Variants in TMCO4 observed in about 807,000 individuals in gnomAD.
TMCO4 encodes the protein transmembrane and coiled-coil domains 4.
Under a neutral mutation model 64.7 loss-of-function variants are expected in TMCO4, and 58 were observed. The observed-to-expected ratio is 0.90, with a 90% CI of 0.73 to 1.12. The LOEUF (loss-of-function observed/expected upper bound fraction) is 1.12. Ranked by LOEUF, TMCO4 falls within the 50% of genes most tolerant of loss-of-function variation. TMCO4 has a pLI of 0.00. For synonymous variants in TMCO4, 325 were observed against 346.1 expected (o/e 0.94, Z 0.68); for missense variants, 780 against 825.9 (o/e 0.94, Z 0.68).
intron 7 of TMCO4, among the ~76,000 whole-genome samples, chr1:19,751,939 T>C (rs546189646): frequency 2.0e-5 from 3 of 151,924 alleles, no homozygotes; most frequent in South Asian, 4.2e-4. Flanking sequence ...TCCCAGCTAC[T>C]TGGGAGGCTG....
chr1:19,771,505 T>C, intron 4 of TMCO4, 23 bp from the exon 5 acceptor site: 2 of 1,609,962 alleles, frequency 1.2e-6, no homozygotes, highest in Non-Finnish European at 1.7e-6. Flanking sequence ...CATGGCTTAG[T>C]TCTCCAGGAT....
chr1:19,741,567 C>T (rs918490520), intron 10 of TMCO4, among the ~76,000 whole-genome samples: 1 of 152,216 alleles, frequency 6.6e-6, no homozygotes, highest in African/African-American at 2.4e-5. Flanking sequence ...TGAGACAGCA[C>T]CACTGTAGCG....
intron 13 of TMCO4, among the ~76,000 whole-genome samples, chr1:19,716,862 G>C (rs1471337336): frequency 6.6e-6 from 1 of 152,154 alleles, no homozygotes; most frequent in Non-Finnish European, 1.5e-5. Flanking sequence ...TGCTGGAGCC[G>C]CCAGCCTCAA....
intron 14 of TMCO4, among the ~76,000 whole-genome samples, chr1:19,695,950 C>T (rs2095233530): frequency 6.6e-6 from 1 of 152,114 alleles, no homozygotes; most frequent in African/African-American, 2.4e-5. Context: ...AGTTCTTCCT[C>T]CCCTCTCCCC....
chr1:19,788,603 C>CT (rs1557628042), intron 2 of TMCO4, among the ~76,000 whole-genome samples: 1 of 152,082 alleles, frequency 6.6e-6, no homozygotes, highest in Non-Finnish European at 1.5e-5. Context: ...GGTGACAATC[C>CT]GTTTTGTGCT....
intron 13 of TMCO4, among the ~76,000 whole-genome samples, chr1:19,726,940 C>T (rs2095411267): frequency 1.3e-5 from 2 of 152,362 alleles, no homozygotes; most frequent in South Asian, 4.1e-4. Flanking sequence ...GCCCTTCCCC[C>T]TCCTGTGGGG....
chr1:19,684,636 A>G (rs1467992425), intron 15 of TMCO4, among the ~76,000 whole-genome samples: 1 of 152,208 alleles, frequency 6.6e-6, no homozygotes, highest in Non-Finnish European at 1.5e-5. Flanking sequence ...CATAGACTGC[A>G]AGGTGCTGGC....
intron 14 of TMCO4, among the ~76,000 whole-genome samples, chr1:19,695,408 G>T (rs1332307607): frequency 6.6e-6 from 1 of 152,192 alleles, no homozygotes; most frequent in Non-Finnish European, 1.5e-5. Flanking sequence ...GGGCCTTGCC[G>T]CCCAGCAAGT....
intron 13 of TMCO4, among the ~76,000 whole-genome samples, chr1:19,719,167 G>A (rs779847365): frequency 2.0e-5 from 3 of 152,164 alleles, no homozygotes; most frequent in Non-Finnish European, 2.9e-5. Flanking sequence ...CTCATGGTCC[G>A]GGTTTGTAAG....
At chr1:19,769,970 G>A (rs1447774337) in intron 6 of TMCO4, among the ~76,000 whole-genome samples, 6 of 126,882 alleles carry the variant, frequency 4.7e-5, no homozygotes, top group African/African-American at 1.4e-4. Context: ...AGGCCGGCAT[G>A]GCTGAAAGCC....
In TMCO4 at chr1:19,764,842, CAAAAAAA is replaced by C. The variant is rs33963523; in HGVS notation, c.382+5693_382+5699del. Among the ~76,000 whole-genome samples, 20 of 70,446 alleles carry C rather than the reference CAAAAAAA, an allele frequency of 2.8e-4. No homozygotes were observed. The East Asian group carries it at 8.7e-3, about 31-fold the overall frequency. 46.2% of individuals were successfully genotyped at this position (70,446 alleles called of 152,430 possible). A position where few individuals can be genotyped will look rare whatever the true frequency, so the allele number is the denominator to read the frequency against. ...TGCACTCAAGAGTGAAACTCTGTCTCAAAAAAAAAAAAAAAAAAAAAAAAAAGGATGT... is the reference window on the plus strand; with the variant it reads ...TGCACTCAAGAGTGAAACTCTGTCTCAAAAAAAAAAAAAAAAAAAGGATGT... On this transcript the variant is annotated intron_variant, in intron 6 of 15. Transcript: ENST00000294543.
At chr1:19,707,854 G>T (rs1179844647) in intron 13 of TMCO4, among the ~76,000 whole-genome samples, 3 of 152,182 alleles carry the variant, frequency 2.0e-5, no homozygotes. Flanking sequence ...GAAGGTGAAG[G>T]GGAAGCAAGC....
chr1:19,781,117 C>A (rs2043451508), intron 3 of TMCO4, among the ~76,000 whole-genome samples: 1 of 149,230 alleles, frequency 6.7e-6, no homozygotes, highest in African/African-American at 2.5e-5. Flanking sequence ...GGCACTCCAG[C>A]CTGGCTGACA....
intron 10 of TMCO4, among the ~76,000 whole-genome samples, chr1:19,744,731 C>G (rs1183239978): frequency 6.6e-6 from 1 of 152,158 alleles, no homozygotes; most frequent in Non-Finnish European, 1.5e-5. Context: ...CCTGGTTTAT[C>G]GGGCTAACTC....
intron 13 of TMCO4, among the ~76,000 whole-genome samples, chr1:19,716,655 T>C (rs576137936): frequency 6.6e-6 from 1 of 152,248 alleles, no homozygotes; most frequent in East Asian, 1.9e-4. Context: ...ACAAGCTGTG[T>C]GACCATGAAT....
In TMCO4 at chr1:19,683,129, G is replaced by T; in HGVS notation, c.1816C>A (p.Pro606Thr). ...GGGTCCATGCCATGGCTGCAGATGG[G>T]GGGCCTTTCAGGGCTGGCAGCAGCA... ...LPAAASPERPPICSHGMDPNP... is the reference protein window; with the variant it reads ...LPAAASPERPTICSHGMDPNP... The change falls in exon 16 of 16, where the codon CCC becomes ACC. Residue 606 changes from proline (P) to threonine (T), a missense_variant. By Grantham distance (38) the Pro-to-Thr change is conservative (BLOSUM62 -1). Transcript: ENST00000294543. 1 of 1,613,802 alleles carries T rather than the reference G, an allele frequency of 6.2e-7. No homozygotes were observed. The highest frequency in any genetic ancestry group is 8.5e-7 in the Non-Finnish European group (1 of 1,179,842).
chr1:19,731,169 G>C (rs1570793561), intron 13 of TMCO4, among the ~76,000 whole-genome samples: 1 of 152,270 alleles, frequency 6.6e-6, no homozygotes, highest in Admixed American at 6.5e-5. Flanking sequence ...TTGAGGAAGA[G>C]GGTAGGAGGC....
intron 3 of TMCO4, among the ~76,000 whole-genome samples, chr1:19,786,592 C>T (rs969775174): frequency 2.6e-5 from 4 of 152,206 alleles, no homozygotes; most frequent in African/African-American, 7.2e-5. Context: ...TAGAAGCTGC[C>T]AAGGGCTGCC....
chr1:19,699,140 G>A (rs912324847), intron 14 of TMCO4, among the ~76,000 whole-genome samples: 1 of 151,690 alleles, frequency 6.6e-6, no homozygotes, highest in Non-Finnish European at 1.5e-5. Context: ...AGCTTGCAGT[G>A]AGCTGAGATT....
Sources: allele counts gnomAD v4.1 joint callset (sites outside exome capture counted in the v4.1 genomes callset), GRCh38; gene constraint gnomAD v4.1.1; transcripts MANE v1.5; gene names NCBI Gene and HGNC (gene_info 2026-07-23, HGNC 2026-07-21).